GPBP1: variants seen among roughly 807,000 people sequenced by gnomAD.
The protein encoded by GPBP1 is GC-rich promoter binding protein 1.
In GPBP1, 13 loss-of-function variants were observed where a neutral mutation model predicts 56.5. The ratio of observed to expected loss-of-function variants is 0.23; its 90% confidence interval spans 0.15 to 0.37. The LOEUF (loss-of-function observed/expected upper bound fraction) is 0.37, where lower values mean the gene tolerates loss of function less well. Ranked by LOEUF, GPBP1 falls within the 10% of genes least tolerant of loss-of-function variation. The pLI is 1.00. For synonymous variants in GPBP1, 204 were observed against 188.9 expected (o/e 1.08, Z -0.66); for missense variants, 477 against 572.3 (o/e 0.83, Z 1.70).
At chr5:57,193,957 C>T (rs1206695563) in intron 2 of GPBP1, among the ~76,000 whole-genome samples, 2 of 152,144 alleles carry the variant, frequency 1.3e-5, no homozygotes, top group Admixed American at 6.5e-5. Context: ...TTCCCCTCTG[C>T]GGAAACCACT....
intron 11 of GPBP1, among the ~76,000 whole-genome samples, chr5:57,261,552 T>C (rs1236205890): frequency 6.6e-6 from 1 of 152,198 alleles, no homozygotes; most frequent in Admixed American, 6.5e-5. Flanking sequence ...ATTGACTTTA[T>C]AGAAGTCTGC....
At chr5:57,183,874 T>TGA (rs937680279) in intron 2 of GPBP1, among the ~76,000 whole-genome samples, 1 of 148,252 alleles carries the variant, frequency 6.7e-6, no homozygotes, top group African/African-American at 2.5e-5. Context: ...CAGACACAGG[T>TGA]GATCCTTTCT....
chr5:57,224,212 T>A lies in GPBP1; in HGVS notation c.64-6634T>A, dbSNP rs532316139. 4.6e-5 allele frequency among the ~76,000 whole-genome samples: 7 copies of A among 151,698 alleles called. No homozygotes were observed. The Middle Eastern group carries it at 0.017, about 371-fold the overall frequency. On this transcript the variant is annotated intron_variant, in intron 3 of 11. Transcript: ENST00000506184. ...CCCAGGCTGGAGTACAGTGGCGTGA[T>A]CATAGCTTGGTGCAACCTGGAACTC...
chr5:57,240,978 TGTTAAG>T (rs1740800019), intron 6 of GPBP1, among the ~76,000 whole-genome samples: 1 of 151,520 alleles, frequency 6.6e-6, no homozygotes, highest in Non-Finnish European at 1.5e-5. Context: ...AAAAAGGCAT[TGTTAAG>T]GTTAAATTGT....
At chr5:57,219,899 A>G (rs1755878742) in intron 3 of GPBP1, among the ~76,000 whole-genome samples, 1 of 151,962 alleles carries the variant, frequency 6.6e-6, no homozygotes, top group Non-Finnish European at 1.5e-5. Flanking sequence ...CTAAAAGTAC[A>G]AAACTAGCTG....
At position 57,238,512 on chromosome 5, in the gene GPBP1, C is replaced by T. The variant is rs561435201; in HGVS notation, c.478+2480C>T. ...GGCAGAGGTTGCGGTGAGCCGAGGTCGCACCATTGCACTCCAGCCTGAGCA... is the reference window on the plus strand; with the variant it reads ...GGCAGAGGTTGCGGTGAGCCGAGGTTGCACCATTGCACTCCAGCCTGAGCA... On this transcript the variant is annotated intron_variant, in intron 6 of 11. Transcript: ENST00000506184. Among the ~76,000 whole-genome samples the T allele has an allele frequency of 3.9e-5, 6 of 152,036 alleles. No individual in the cohort carries two copies. In the East Asian group the frequency reaches 9.7e-4, roughly 24 times the overall value.
At chr5:57,243,389 A>ATTCT (rs1223695259) in intron 6 of GPBP1, among the ~76,000 whole-genome samples, 23 of 152,196 alleles carry the variant, frequency 1.5e-4, no homozygotes, top group African/African-American at 5.5e-4. Flanking sequence ...AATAAGCACA[A>ATTCT]TAACGGTATA....
intron 10 of GPBP1, among the ~76,000 whole-genome samples, chr5:57,256,335 C>G (rs1475003446): frequency 6.6e-6 from 1 of 152,046 alleles, no homozygotes; most frequent in Non-Finnish European, 1.5e-5. Flanking sequence ...ACACCCCATA[C>G]TGCATGAAGA....
chr5:57,192,769 A>AG (rs1561327924), intron 2 of GPBP1, among the ~76,000 whole-genome samples: 2 of 151,514 alleles, frequency 1.3e-5, no homozygotes. Context: ...AAAAAAAAAA[A>AG]AAAAATTAGG....
At chr5:57,199,685 C>A (rs1206103350) in intron 2 of GPBP1, among the ~76,000 whole-genome samples, 1 of 152,022 alleles carries the variant, frequency 6.6e-6, no homozygotes, top group East Asian at 1.9e-4. Context: ...CTAATGCTGT[C>A]CCTCCCCCTG....
intron 2 of GPBP1, among the ~76,000 whole-genome samples, chr5:57,200,390 TGGA>T (rs1339200753): frequency 7.3e-5 from 9 of 122,908 alleles, no homozygotes; most frequent in African/African-American, 2.9e-4. Context: ...TTTTTTGAGA[TGGA>T]GTATCATACT....
rs759313583 is a variant in GPBP1, at chr5:57,247,130, A to G, written c.719A>G (p.His240Arg). 5.6e-6 allele frequency: 9 copies of G among 1,613,728 alleles called. No homozygotes were observed. Among genetic ancestry groups the G allele is most frequent in the Non-Finnish European group, 5.9e-6 (7 of 1,179,730 alleles). ...KENKVGTSFP[H>R]ESTFGVGNFN... The stretch of plus-strand genomic sequence containing the variant: ...AATAAAGTTGGAACTTCTTTCCCTC[A>G]TGAGTCCACATTTGGCGTTGGCAAC... The change falls in exon 8 of 12, where the codon CAT (histidine) becomes CGT (arginine). Residue 240 changes from histidine to arginine, a missense_variant. This residue lies in a region of GPBP1 where 414 missense variants were observed against 458.2 expected (regional missense o/e 0.90). Coordinates refer to ENST00000506184, the MANE Select transcript of GPBP1 (RefSeq NM_022913.4).
chr5:57,211,432 T>C (rs1433833907), intron 2 of GPBP1, among the ~76,000 whole-genome samples: 1 of 152,168 alleles, frequency 6.6e-6, no homozygotes, highest in African/African-American at 2.4e-5. Context: ...CAAGGGAGCC[T>C]CCCACTTCAC....
intron 2 of GPBP1, among the ~76,000 whole-genome samples, chr5:57,188,914 C>G (rs1444846459): frequency 1.3e-5 from 2 of 152,122 alleles, no homozygotes. Flanking sequence ...ATTATGTGTT[C>G]TACCTTCAAA....
chr5:57,230,932 A>C lies in GPBP1; in HGVS notation c.150A>C (p.Ser50=). The change falls in exon 4 of 12, where the codon TCA becomes TCC. Residue 50 remains serine (S), a synonymous_variant. Transcript: ENST00000506184. ...TGAACCGTCGACGACACAACTCTTCAGATGGCTTTGATTCTGCTATTGGGC... is the reference window on the plus strand; with the variant it reads ...TGAACCGTCGACGACACAACTCTTCCGATGGCTTTGATTCTGCTATTGGGC... ...YDVNRRRHNS[S]DGFDSAIGRP... The C allele has an allele frequency of 6.2e-7, 1 of 1,612,252 alleles. No homozygotes were observed. The highest frequency in any genetic ancestry group is 8.5e-7 in the Non-Finnish European group (1 of 1,179,198).
intron 3 of GPBP1, among the ~76,000 whole-genome samples, chr5:57,224,428 A>G (rs1234082024): frequency 2.0e-5 from 3 of 151,602 alleles, no homozygotes; most frequent in South Asian, 2.1e-4. Flanking sequence ...TTTTTAGTAG[A>G]GACGGGGTTT....
At chr5:57,201,118 T>C (rs1419202228) in intron 2 of GPBP1, among the ~76,000 whole-genome samples, 1 of 152,172 alleles carries the variant, frequency 6.6e-6, no homozygotes. Flanking sequence ...GCCACTGCGC[T>C]CGGCCATGAG....
chr5:57,251,656 A>G (rs1160697392), intron 10 of GPBP1, among the ~76,000 whole-genome samples: 3 of 150,534 alleles, frequency 2.0e-5, no homozygotes, highest in Non-Finnish European at 4.4e-5. Context: ...GAACATTCAT[A>G]TATAAGTTCT....
intron 3 of GPBP1, among the ~76,000 whole-genome samples, chr5:57,219,942 C>T (rs1443990136): frequency 6.6e-6 from 1 of 151,542 alleles, no homozygotes; most frequent in Non-Finnish European, 1.5e-5. Flanking sequence ...ATCCTAGCTA[C>T]TCGGGAGGCT....
Sources: gnomAD v4.1 joint callset for allele counts (sites outside exome capture counted in the v4.1 genomes callset) on GRCh38, gnomAD v4.1.1 for gene constraint, gnomAD v4.1.1 regional missense constraint, MANE v1.5 for transcripts, NCBI Gene and HGNC (gene_info 2026-07-23, HGNC 2026-07-21) for gene names.